The following KIRREL3 variants were observed in gnomAD, a reference collection of about 807,000 sequenced individuals.
KIRREL3 encodes the protein kirre like nephrin family adhesion molecule 3, also known as kin of IRRE-like protein 3.
In KIRREL3, 36 loss-of-function variants were observed where a neutral mutation model predicts 89.7. The ratio of observed to expected loss-of-function variants is 0.40; its 90% confidence interval spans 0.31 to 0.53. KIRREL3 has a LOEUF of 0.53. KIRREL3 is among the 20% of genes least tolerant of loss of function. The pLI, the probability that KIRREL3 is intolerant of heterozygous loss-of-function variation, is 0.49. For missense variants in KIRREL3, 864 were observed against 1,056.6 expected (o/e 0.82, Z 2.53); for synonymous variants, 445 against 441.4 (o/e 1.01, Z -0.10).
At chr11:126,452,962 T>C (rs1956229035) in intron 7 of KIRREL3, among the ~76,000 whole-genome samples, 1 of 152,132 alleles carries the variant, frequency 6.6e-6, no homozygotes, top group Non-Finnish European at 1.5e-5. Flanking sequence ...GGCCAAGAGC[T>C]AAAGAGTGAG....
chr11:126,625,641 C>T (rs1943753208), intron 1 of KIRREL3, among the ~76,000 whole-genome samples: 1 of 152,156 alleles, frequency 6.6e-6, no homozygotes, highest in Non-Finnish European at 1.5e-5. Context: ...ATGTCCTGCC[C>T]CTCCTGTCCC....
In KIRREL3 at chr11:126,860,766, A is replaced by T. The variant is rs1479699124; in HGVS notation, c.55+139689T>A. 6.6e-6 allele frequency among the ~76,000 whole-genome samples: 1 copy of T among 152,178 alleles called. No individual in the cohort carries two copies. The highest frequency in any genetic ancestry group is 1.5e-5 in the Non-Finnish European group (1 of 68,028). ...AGGCTCCTGCCCTGGTCCAAAGGAG[A>T]GAGGCTGAGACTCTTAGAATGTCCA... On this transcript the variant is annotated intron_variant, in intron 1 of 16. Transcript: ENST00000525144. The surrounding 1 kb of genome is among the most constrained non-coding windows in gnomAD (Gnocchi z 4.6).
At chr11:126,448,167 C>A (rs758785544) in intron 8 of KIRREL3, among the ~76,000 whole-genome samples, 2 of 151,482 alleles carry the variant, frequency 1.3e-5, no homozygotes, top group African/African-American at 4.9e-5. Flanking sequence ...CCTGTAGTCC[C>A]AGCTACTCGG....
rs945318083 is a variant in KIRREL3 at position 126,623,532 on chromosome 11, G to A, written c.56-60620C>T. Among the ~76,000 whole-genome samples, 3 of 152,058 alleles carry A rather than the reference G, an allele frequency of 2.0e-5. No individual in the cohort carries two copies. Among genetic ancestry groups the A allele is most frequent in the Non-Finnish European group, 2.9e-5 (2 of 68,008 alleles). ...TAGCCACTGGAATGATCAGAAAAAC[G>A]TCTGTGTGAATCTTGCATGATGGAA... On this transcript the variant is annotated intron_variant, in intron 1 of 16. Coordinates refer to ENST00000525144, the MANE Select transcript of KIRREL3 (RefSeq NM_032531.4). The surrounding 1 kb of genome is among the most constrained non-coding windows in gnomAD (Gnocchi z 4.1).
intron 1 of KIRREL3, among the ~76,000 whole-genome samples, chr11:126,986,853 T>C: frequency 6.6e-6 from 1 of 152,196 alleles, no homozygotes; most frequent in East Asian, 1.9e-4. Context: ...CTTGTAGACT[T>C]ACTATCAGCA....
chr11:126,634,071 T>C (rs994571918), intron 1 of KIRREL3, among the ~76,000 whole-genome samples: 1 of 152,214 alleles, frequency 6.6e-6, no homozygotes, highest in African/African-American at 2.4e-5. Flanking sequence ...TAATCTGGCT[T>C]AGCTTCCTCC....
At position 126,478,643 on chromosome 11, in the gene KIRREL3, GTGTA is replaced by G. The variant is rs200971602; in HGVS notation, c.434-5181_434-5178del. Among the ~76,000 whole-genome samples, 846 of 147,970 alleles carry G rather than the reference GTGTA, an allele frequency of 5.7e-3. 5 individuals are homozygous for G. The highest frequency in any genetic ancestry group is 0.027 in the Middle Eastern group (8 of 292). ...TGTATGTGTGTATGCGTGTGTATGT[GTGTA>G]TGTATGTGTATATGTATATATGTAT... On this transcript the variant is annotated intron_variant, in intron 4 of 16. Transcript: ENST00000525144.
At chr11:126,613,529 A>T (rs1182979237) in intron 1 of KIRREL3, among the ~76,000 whole-genome samples, 1 of 152,082 alleles carries the variant, frequency 6.6e-6, no homozygotes, top group Non-Finnish European at 1.5e-5. Flanking sequence ...TCCCCTGCTC[A>T]TGTGTGTCAT....
intron 9 of KIRREL3, among the ~76,000 whole-genome samples, 163 bp downstream of exon 9, chr11:126,446,596 C>G (rs1380437264): frequency 6.6e-6 from 1 of 152,176 alleles, no homozygotes; most frequent in Non-Finnish European, 1.5e-5. Context: ...CATGGGGGTG[C>G]CTGGGTTCCC....
At chr11:126,819,308 G>T (rs191942220) in intron 1 of KIRREL3, among the ~76,000 whole-genome samples, 1 of 152,336 alleles carries the variant, frequency 6.6e-6, no homozygotes, top group Non-Finnish European at 1.5e-5. Context: ...CAGAGGTTCA[G>T]CCCTACCAGA....
intron 11 of KIRREL3, among the ~76,000 whole-genome samples, chr11:126,438,575 C>T (rs895239078): frequency 8.5e-5 from 13 of 152,318 alleles, no homozygotes; most frequent in African/African-American, 2.6e-4. Context: ...GTGAGAACCG[C>T]TGGCCTAGAA....
At chr11:126,487,313 G>T (rs1183689395) in intron 4 of KIRREL3, among the ~76,000 whole-genome samples, 6 of 152,162 alleles carry the variant, frequency 3.9e-5, no homozygotes, top group Admixed American at 3.9e-4. Context: ...GACACAGGGC[G>T]GGGCGTGGGG....
At chr11:126,939,245 T>C (rs1428534730) in intron 1 of KIRREL3, among the ~76,000 whole-genome samples, 1 of 152,242 alleles carries the variant, frequency 6.6e-6, no homozygotes, top group South Asian at 2.1e-4. Context: ...CTCTCCCTTC[T>C]GAGATGGGCA....
intron 1 of KIRREL3, among the ~76,000 whole-genome samples, chr11:126,982,554 C>G (rs1949748013): frequency 6.6e-6 from 1 of 152,198 alleles, no homozygotes; most frequent in African/African-American, 2.4e-5. Flanking sequence ...TCGTATCTCT[C>G]CTTTGCAGCA....
chr11:126,911,839 C>T (rs752407295), intron 1 of KIRREL3, among the ~76,000 whole-genome samples: 15 of 151,960 alleles, frequency 9.9e-5, no homozygotes, highest in Non-Finnish European at 1.8e-4. Flanking sequence ...AAAAATTAGC[C>T]GGGCGCGGTG....
intron 1 of KIRREL3, among the ~76,000 whole-genome samples, chr11:126,960,902 G>T (rs192112674): frequency 2.9e-3 from 448 of 152,120 alleles, no homozygotes; most frequent in Non-Finnish European, 4.8e-3. Context: ...TCACATTATG[G>T]TTATTATCCC....
At chr11:126,937,110 A>G (rs1031775941) in intron 1 of KIRREL3, 1 of 152,162 alleles carries the variant, frequency 6.6e-6, no homozygotes, top group African/African-American at 2.4e-5. Flanking sequence ...TACATCAAGC[A>G]GAGACAATTG....
rs1390668183 is a variant in KIRREL3 at position 126,496,553 on chromosome 11, G to A, written c.434-23087C>T. Reference sequence around the variant, plus strand: ...AGGTGTTGGCCAAGTTTGGAGGGAGGGGTGGGTGTGATGGAGGCAAAGGGA... The same window carrying A: ...AGGTGTTGGCCAAGTTTGGAGGGAGAGGTGGGTGTGATGGAGGCAAAGGGA... On this transcript the variant is annotated intron_variant, in intron 4 of 16. Transcript: ENST00000525144. The surrounding 1 kb of genome is among the most constrained non-coding windows in gnomAD (Gnocchi z 4.9). Among the ~76,000 whole-genome samples the A allele has an allele frequency of 6.6e-6, 1 of 152,056 alleles. No homozygotes were observed. The highest frequency in any genetic ancestry group is 1.5e-5 in the Non-Finnish European group (1 of 68,016).
chr11:126,772,539 G>A lies in KIRREL3; in HGVS notation c.56-209627C>T, dbSNP rs896824234. ...GTGTGACATGTGTGTTTCACCTCCG[G>A]AGTCAGTCAATGTGGCTCACAGAGT... is the stretch of plus-strand genomic sequence containing the variant. On this transcript the variant is annotated intron_variant, in intron 1 of 16. Coordinates refer to ENST00000525144, the MANE Select transcript of KIRREL3 (RefSeq NM_032531.4). The surrounding 1 kb of genome is among the most constrained non-coding windows in gnomAD (Gnocchi z 4.6). 1.3e-5 allele frequency among the ~76,000 whole-genome samples: 2 copies of A among 152,200 alleles called. No homozygotes were observed. Among genetic ancestry groups the A allele is most frequent in the African/African-American group, 4.8e-5 (2 of 41,442 alleles).
Sources: gnomAD v4.1 joint callset for allele counts (sites outside exome capture counted in the v4.1 genomes callset) on GRCh38, gnomAD v4.1.1 for gene constraint, Gnocchi (gnomAD v3.1) non-coding constraint, MANE v1.5 for transcripts, NCBI Gene and HGNC (gene_info 2026-07-23, HGNC 2026-07-21) for gene names.